Variants in TAFA2 observed in about 807,000 individuals in gnomAD.
The protein encoded by TAFA2 is chemokine-like protein TAFA-2.
Under a neutral mutation model 18.8 loss-of-function variants are expected in TAFA2, and 7 were observed. That is an observed-to-expected ratio of 0.37 (90% CI 0.21 to 0.70). The LOEUF is 0.70. Ranked by LOEUF, TAFA2 falls within the 30% of genes least tolerant of loss-of-function variation. The pLI, the probability that TAFA2 is intolerant of heterozygous loss-of-function variation, is 0.53. For missense variants in TAFA2, 122 were observed against 158.1 expected (o/e 0.77, Z 1.23); for synonymous variants, 60 against 54.2 (o/e 1.11, Z -0.47).
chr12:62,197,676 A>G (rs1475255048), upstream of TAFA2, among the ~76,000 whole-genome samples: 1 of 152,124 alleles, frequency 6.6e-6, no homozygotes, highest in African/African-American at 2.4e-5. Context: ...CATTTTCCAC[A>G]GTTTATATAA....
intron 1 of TAFA2, among the ~76,000 whole-genome samples, chr12:61,965,883 C>T (rs1879049086): frequency 6.6e-6 from 1 of 151,818 alleles, no homozygotes; most frequent in Non-Finnish European, 1.5e-5. Flanking sequence ...ATTCAGTAAA[C>T]ATTTGTCTCT....
intron 4 of TAFA2, among the ~76,000 whole-genome samples, chr12:61,717,810 A>G (rs1469510307): frequency 6.6e-6 from 1 of 152,142 alleles, no homozygotes. Context: ...TCAGGAGACC[A>G]GGGTTTTATA....
At chr12:62,249,053 A>C (rs1466209995) in intron 1 of TAFA2, among the ~76,000 whole-genome samples, 1 of 152,028 alleles carries the variant, frequency 6.6e-6, no homozygotes, top group Non-Finnish European at 1.5e-5. Context: ...CCCCAGGGTA[A>C]TTGTTTAAAA....
chr12:61,894,272 C>T (rs990328436), intron 1 of TAFA2, among the ~76,000 whole-genome samples: 1 of 152,098 alleles, frequency 6.6e-6, no homozygotes, highest in Admixed American at 6.5e-5. Context: ...TGTGCCATAA[C>T]GTACATCATT....
At chr12:61,997,439 A>G (rs1880234589) in intron 1 of TAFA2, among the ~76,000 whole-genome samples, 2 of 151,514 alleles carry the variant, frequency 1.3e-5, no homozygotes, top group Admixed American at 1.3e-4. Context: ...AAAGCAGTAC[A>G]GCTAGTGTCA....
chr12:62,159,613 C>G (rs1468896594), intron 1 of TAFA2, among the ~76,000 whole-genome samples: 1 of 151,818 alleles, frequency 6.6e-6, no homozygotes, highest in East Asian at 1.9e-4. Flanking sequence ...TAGGGAAATT[C>G]TTTTTCTATT....
chr12:61,765,524 T>C (rs7397172), intron 2 of TAFA2, among the ~76,000 whole-genome samples: 15,725 of 152,084 alleles, frequency 0.1, 1,062 homozygotes, highest in East Asian at 0.19. Context: ...CTCAAGTGCT[T>C]CTTAAGGGAA....
chr12:62,052,185 TGTGCATGCGTGC>T (rs1882072503), intron 1 of TAFA2, among the ~76,000 whole-genome samples: 1 of 51,200 alleles, frequency 2.0e-5, no homozygotes, highest in Non-Finnish European at 5.5e-5. Flanking sequence ...TGTGTGCATG[TGTGCATGCGTGC>T]GTGTGTGCAT....
chr12:62,000,091 A>G (rs1880330320), intron 1 of TAFA2, among the ~76,000 whole-genome samples: 1 of 152,202 alleles, frequency 6.6e-6, no homozygotes, highest in African/African-American at 2.4e-5. Flanking sequence ...GATCAATGTC[A>G]TTTTCCATTA....
At position 61,709,988 on chromosome 12, in the gene TAFA2, G is replaced by T. The variant is rs1869318075; in HGVS notation, c.*418C>A. The T allele has an allele frequency of 6.0e-6, 1 of 167,910 alleles. No homozygotes were observed. Among genetic ancestry groups the T allele is most frequent in the African/African-American group, 2.4e-5 (1 of 42,022 alleles). 10.4% of individuals were successfully genotyped at this position (167,910 alleles called of 1,614,324 possible). A position where few individuals can be genotyped will look rare whatever the true frequency, so the allele number is the denominator to read the frequency against. On this transcript the variant is annotated 3_prime_UTR_variant, in exon 5 of 5. Transcript: ENST00000416284. ...GCCATGTGTAGTCCCACTAGCAAAT[G>T]AACATAGGACCCAGGAACACATCCA...
rs191640216 is a variant in TAFA2 at position 61,860,695 on chromosome 12, G to A, written c.106+6625C>T. ...ATGTCTCAGTAGCTTGGCATAGGCT[G>A]CTGCTCTTGCCTGGATGTCTAGCCC... On this transcript the variant is annotated intron_variant, in intron 2 of 4. Coordinates refer to ENST00000416284, the MANE Select transcript of TAFA2 (RefSeq NM_178539.5). Among the ~76,000 whole-genome samples, 2 of 152,250 alleles carry A rather than the reference G, an allele frequency of 1.3e-5. 1 individual carries two copies. Among genetic ancestry groups the A allele is most frequent in the Admixed American group, 1.3e-4 (2 of 15,294 alleles).
intron 1 of TAFA2, among the ~76,000 whole-genome samples, chr12:61,885,941 A>G (rs1406523128): frequency 6.6e-6 from 1 of 152,174 alleles, no homozygotes. Flanking sequence ...TGTGCACATT[A>G]GACAGCATGT....
chr12:61,990,888 GTAT>G (rs773146059), intron 1 of TAFA2, among the ~76,000 whole-genome samples: 1 of 152,142 alleles, frequency 6.6e-6, no homozygotes, highest in Non-Finnish European at 1.5e-5. Flanking sequence ...AATGAGAAAA[GTAT>G]TATAAGATAT....
intron 1 of TAFA2, among the ~76,000 whole-genome samples, chr12:62,170,823 T>C (rs990834316): frequency 6.6e-6 from 1 of 152,132 alleles, no homozygotes; most frequent in African/African-American, 2.4e-5. Flanking sequence ...TATTCTACAC[T>C]CTGTGTTCAT....
chr12:61,906,105 A>G (rs1876338306), intron 1 of TAFA2, among the ~76,000 whole-genome samples: 1 of 152,244 alleles, frequency 6.6e-6, no homozygotes, highest in East Asian at 1.9e-4. Flanking sequence ...TTGAATCTTC[A>G]TTAGCAAATA....
At chr12:61,982,783 A>C (rs1252461862) in intron 1 of TAFA2, among the ~76,000 whole-genome samples, 1 of 149,396 alleles carries the variant, frequency 6.7e-6, no homozygotes, top group East Asian at 2.0e-4. Context: ...TAGGCCTGAG[A>C]TGAGTAGTCA....
intron 1 of TAFA2, among the ~76,000 whole-genome samples, chr12:61,928,466 A>T (rs1282908495): frequency 6.6e-6 from 1 of 152,236 alleles, no homozygotes; most frequent in Non-Finnish European, 1.5e-5. Context: ...ACACAATGAG[A>T]TACCATCTCA....
Position 61,873,022 on chromosome 12 carries a change from A to C in TAFA2, c.-1-5596T>G, listed in dbSNP as rs537868799. Reference sequence around the variant, plus strand: ...CATGAGAGCAGAGATCCTGCCTGTAAGTCACTGCTCTAGCACATAGAACAT... The same window carrying C: ...CATGAGAGCAGAGATCCTGCCTGTACGTCACTGCTCTAGCACATAGAACAT... On this transcript the variant is annotated intron_variant, in intron 1 of 4. Transcript: ENST00000416284. 3.3e-4 allele frequency among the ~76,000 whole-genome samples: 50 copies of C among 152,358 alleles called. No homozygotes were observed. The South Asian group carries it at 9.9e-3, about 30-fold the overall frequency.
intron 1 of TAFA2, among the ~76,000 whole-genome samples, chr12:62,138,950 C>T (rs770047843): frequency 6.6e-6 from 1 of 152,078 alleles, no homozygotes; most frequent in Non-Finnish European, 1.5e-5. Context: ...TTTCATGCCA[C>T]CCAGAGATCA....
Sources: gnomAD v4.1 joint callset for allele counts (sites outside exome capture counted in the v4.1 genomes callset) on GRCh38, gnomAD v4.1.1 for gene constraint, MANE v1.5 for transcripts, NCBI Gene and HGNC (gene_info 2026-07-23, HGNC 2026-07-21) for gene names.